TWF1: variants seen among roughly 807,000 people sequenced by gnomAD.
TWF1 encodes twinfilin-1.
Under a neutral mutation model 47.9 loss-of-function variants are expected in TWF1, and 14 were observed. The ratio of observed to expected loss-of-function variants is 0.29; its 90% CI spans 0.19 to 0.46. TWF1 has a LOEUF of 0.46. Among genes scored for constraint, TWF1 ranks in the 20% least tolerant of loss-of-function variants. The pLI is 1.00. For synonymous variants in TWF1, 96 were observed against 139.2 expected (o/e 0.69, Z 2.18); for missense variants, 281 against 409.3 (o/e 0.69, Z 2.70).
chr12:43,799,218 CAT>C (rs1436027441), intron 5 of TWF1, among the ~76,000 whole-genome samples, 178 bp downstream of exon 5: 1 of 152,128 alleles, frequency 6.6e-6, no homozygotes, highest in Admixed American at 6.5e-5. Flanking sequence ...GTTTAATATT[CAT>C]TTTAACTTTT....
Position 43,795,047 on chromosome 12 carries a change from A to C in TWF1, c.*538T>G, listed in dbSNP as rs1372357267. Reference sequence around the variant, plus strand: ...CTATTAAAAAAAAGTCAAATATAAAAGACTGCTGCAATATAAAGCACTATT... The same window carrying C: ...CTATTAAAAAAAAGTCAAATATAAACGACTGCTGCAATATAAAGCACTATT... On this transcript the variant is annotated 3_prime_UTR_variant, in exon 9 of 9. Transcript: ENST00000395510. The C allele has an allele frequency of 6.6e-6, 1 of 152,188 alleles. No homozygotes were observed. The highest frequency in any genetic ancestry group is 1.5e-5 in the Non-Finnish European group (1 of 68,030). The allele number at this position is 152,188 out of a possible 1,614,324, so 9.4% of individuals were successfully genotyped here.
At chr12:43,796,851 A>T in intron 8 of TWF1, 125 bp downstream of exon 8, 1 of 1,049,578 alleles carries the variant, frequency 9.5e-7, no homozygotes, top group Non-Finnish European at 1.4e-6. Context: ...AGGAGATCCT[A>T]AGGATTTAGG....
intron 8 of TWF1, 57 bp from the exon 9 acceptor site, chr12:43,795,812 G>A (rs145618406): frequency 1.9e-4 from 302 of 1,566,052 alleles, no homozygotes; most frequent in Non-Finnish European, 2.4e-4. Context: ...GCAACAAGCT[G>A]GTTTTCAGGT....
intron 5 of TWF1, chr12:43,798,507 C>G (rs1942597761): frequency 2.8e-6 from 4 of 1,441,828 alleles, no homozygotes; most frequent in Non-Finnish European, 3.6e-6. Context: ...AATGGAGATT[C>G]TACAGCATAA....
chr12:43,801,162 G>C (rs958522938), intron 3 of TWF1, among the ~76,000 whole-genome samples: 35 of 152,306 alleles, frequency 2.3e-4, no homozygotes, highest in Middle Eastern at 3.4e-3. Flanking sequence ...AAGTAACTTT[G>C]ATAGTGACAT....
chr12:43,806,271 C>T lies in TWF1; in HGVS notation c.-26G>A, dbSNP rs544742868. The T allele has an allele frequency of 7.2e-6, 11 of 1,517,860 alleles. No homozygotes were observed. The highest frequency in any genetic ancestry group is 6.1e-5 in the South Asian group (5 of 81,840). The allele number at this position is 1,517,860 out of a possible 1,614,324, so 94.0% of individuals were successfully genotyped here. On this transcript the variant is annotated 5_prime_UTR_variant, in exon 1 of 9. Transcript: ENST00000395510. ...GGCGGCGGCCGCTAGCTCCCGGCTC[C>T]GGCGCTGAGTGCAGCCAGCGGCCCC...
rs752510032 is a variant in TWF1 at position 43,806,300 on chromosome 12, C to G, written c.-55G>C. On this transcript the variant is annotated 5_prime_UTR_variant, in exon 1 of 9. Coordinates refer to ENST00000395510, the MANE Select transcript of TWF1 (RefSeq NM_002822.5). ...GCTGAGTGCAGCCAGCGGCCCCGGC[C>G]GGCGGCCCCAGGAAGTGGCTGCTCC... is the stretch of plus-strand genomic sequence containing the variant. The G allele has an allele frequency of 6.9e-7, 1 of 1,449,034 alleles. No individual in the cohort carries two copies. The highest frequency in any genetic ancestry group is 9.1e-7 in the Non-Finnish European group (1 of 1,101,134). 89.8% of individuals were successfully genotyped at this position (1,449,034 alleles called of 1,614,324 possible).
Position 43,795,717 on chromosome 12 carries a change from G to A in TWF1, c.921C>T (p.Phe307=), listed in dbSNP as rs1454141362. The part of the protein sequence containing the change: ...IDNGDELTAD[F]LYEEVHPKQH... The stretch of plus-strand genomic sequence containing the variant: ...GCTTGGGATGTACTTCTTCATAAAG[G>A]AAGTCTGCAGTCAACTCATCCCCAT... Residue 307 remains phenylalanine, a synonymous_variant, in exon 9 of 9, where the codon TTC becomes TTT. Transcript: ENST00000395510. The A allele has an allele frequency of 1.9e-6, 3 of 1,613,740 alleles. No homozygotes were observed. Among genetic ancestry groups the A allele is most frequent in the East Asian group, 2.2e-5 (1 of 44,882 alleles).
rs372167070 is a variant in TWF1 at position 43,793,751 on chromosome 12, T to C, written c.*1834A>G. ...AAGAGAAAAAATTTTTATTGTGATA[T>C]AAAATGCACTTATAAAATGTCCACC... On this transcript the variant is annotated 3_prime_UTR_variant, in exon 9 of 9. Transcript: ENST00000395510. 11 of 152,580 alleles carry C rather than the reference T, an allele frequency of 7.2e-5. No individual in the cohort carries two copies. Among genetic ancestry groups the C allele is most frequent in the African/African-American group, 9.7e-5 (4 of 41,450 alleles). The allele number at this position is 152,580 out of a possible 1,614,324, so 9.5% of individuals were successfully genotyped here.
intron 6 of TWF1, 38 bp downstream of exon 6, chr12:43,797,670 A>G (rs559992269): frequency 1.3e-6 from 2 of 1,599,550 alleles, no homozygotes; most frequent in East Asian, 4.5e-5. Flanking sequence ...AAACTACCAA[A>G]AAGAGCAGCC....
intron 1 of TWF1, among the ~76,000 whole-genome samples, chr12:43,804,937 C>T (rs149721132): frequency 6.6e-6 from 1 of 152,192 alleles, no homozygotes; most frequent in African/African-American, 2.4e-5. Context: ...TTCTCTAATT[C>T]AGTTTCAAGC....
At chr12:43,802,535 G>C in intron 2 of TWF1, 71 bp from the exon 3 acceptor site, 1 of 1,117,026 alleles carries the variant, frequency 9.0e-7, no homozygotes, top group Non-Finnish European at 1.3e-6. Context: ...ATGAAGACTA[G>C]AAAAATAAAT....
intron 3 of TWF1, among the ~76,000 whole-genome samples, 170 bp downstream of exon 3, chr12:43,802,116 G>T (rs767190150): frequency 6.6e-6 from 1 of 152,140 alleles, no homozygotes; most frequent in Non-Finnish European, 1.5e-5. Context: ...CAAAACTCCC[G>T]AATCTAAGCA....
intron 8 of TWF1, among the ~76,000 whole-genome samples, chr12:43,796,448 A>C (rs1425649639): frequency 1.3e-5 from 2 of 152,128 alleles, no homozygotes; most frequent in Non-Finnish European, 2.9e-5. Flanking sequence ...AGAAAATTTA[A>C]GAAAATTGGT....
At position 43,797,160 on chromosome 12, in the gene TWF1, A is replaced by G. The variant is rs1942568054; in HGVS notation, c.761-63T>C. The G allele has an allele frequency of 2.0e-6, 3 of 1,499,482 alleles. No homozygotes were observed. The African/African-American group carries it at 4.3e-5, about 21-fold the overall frequency. 92.9% of individuals were successfully genotyped at this position (1,499,482 alleles called of 1,614,324 possible). The stretch of plus-strand genomic sequence containing the variant: ...CAATACATAAACTTCATAAAACTAC[A>G]TATATAAACTTCATAAAAACAAGTA... On this transcript the variant is annotated intron_variant, in intron 7 of 8. Transcript: ENST00000395510.
chr12:43,795,854 G>T, intron 8 of TWF1, 99 bp from the exon 9 acceptor site: 1 of 1,205,520 alleles, frequency 8.3e-7, no homozygotes, highest in Non-Finnish European at 1.2e-6. Context: ...ACCCTTTCCA[G>T]TAAGGCAGAA....
intron 8 of TWF1, among the ~76,000 whole-genome samples, chr12:43,796,393 AG>A (rs1241855951): frequency 6.6e-6 from 1 of 152,120 alleles, no homozygotes; most frequent in Non-Finnish European, 1.5e-5. Context: ...TATGAGTTTA[AG>A]GGCTCAAGAA....
intron 1 of TWF1, among the ~76,000 whole-genome samples, chr12:43,804,897 CTT>C (rs1942728855): frequency 6.6e-6 from 1 of 152,192 alleles, no homozygotes; most frequent in Non-Finnish European, 1.5e-5. Context: ...TTTTCTTGCT[CTT>C]TTGAAAAATA....
Position 43,800,797 on chromosome 12 carries a change from C to G in TWF1, c.283-267G>C, listed in dbSNP as rs149079172. Among the ~76,000 whole-genome samples, 501 of 152,296 alleles carry G rather than the reference C, an allele frequency of 3.3e-3. 3 individuals are homozygous for G. The highest frequency in any genetic ancestry group is 0.011 in the African/African-American group (470 of 41,560). On this transcript the variant is annotated intron_variant, in intron 3 of 8. Coordinates refer to ENST00000395510, the MANE Select transcript of TWF1 (RefSeq NM_002822.5). The stretch of plus-strand genomic sequence containing the variant: ...CGCAGATTTGCTCTTGTTGCCCAGG[C>G]TGGAGTGGAATGGCATGATCTCAGC...
Sources: gnomAD v4.1 joint callset for allele counts (sites outside exome capture counted in the v4.1 genomes callset) on GRCh38, gnomAD v4.1.1 for gene constraint, MANE v1.5 for transcripts, NCBI Gene and HGNC (gene_info 2026-07-23, HGNC 2026-07-21) for gene names.